The following CDCA7L variants were observed in gnomAD, a reference collection of about 807,000 sequenced individuals.
CDCA7L encodes cell division cycle associated 7 like.
Under a neutral mutation model 57.4 loss-of-function variants are expected in CDCA7L, and 44 were observed. The ratio of observed to expected loss-of-function variants is 0.77; its 90% CI spans 0.60 to 0.98. The LOEUF is 0.98. Among genes scored for constraint, CDCA7L ranks in the 50% least tolerant of loss-of-function variants. The pLI is 0.00. For missense variants in CDCA7L, 644 were observed against 580.6 expected, an observed-to-expected ratio of 1.11 and a Z score of -1.12; for synonymous variants, 236 against 202.8, an observed-to-expected ratio of 1.16 and a Z score of -1.39.
At chr7:21,944,062 G>A (rs564639856) in intron 1 of CDCA7L, among the ~76,000 whole-genome samples, 1 of 152,250 alleles carries the variant, frequency 6.6e-6, no homozygotes, top group African/African-American at 2.4e-5. Context: ...TACATTTTCT[G>A]ACTAAACTCA....
rs1031964759 is a variant in CDCA7L, at chr7:21,908,270, C to G, written c.541G>C (p.Glu181Gln). Residue 181 changes from glutamate (E) to glutamine (Q), a missense_variant, in exon 4 of 10, where the codon GAA becomes CAA. Glu to Gln is a conservative substitution (Grantham distance 29, BLOSUM62 2). Transcript: ENST00000406877. The stretch of plus-strand genomic sequence containing the variant: ...ACCTGTCTACAGTCTTTCTTTCTTT[C>G]AAGAATTGTTTTTTTCTCATTCTGT... ...RLQNEKKTIL[E>Q]RKKDCRQVIQ... 6.2e-7 allele frequency: 1 copy of G among 1,613,460 alleles called. No homozygotes were observed. The highest frequency in any genetic ancestry group is 1.1e-5 in the South Asian group (1 of 90,994).
At chr7:21,929,631 C>CAAAAAAAAAAAAAAAAAAAAAA (rs57283961) in intron 1 of CDCA7L, among the ~76,000 whole-genome samples, 1 of 35,510 alleles carries the variant, frequency 2.8e-5, no homozygotes, top group African/African-American at 1.5e-4. Flanking sequence ...AAATGGAAAG[C>CAAAAAAAAAAAAAAAAAAAAAA]AAAAAAAAAA....
At chr7:21,932,221 A>G (rs1786039588) in intron 1 of CDCA7L, among the ~76,000 whole-genome samples, 1 of 152,204 alleles carries the variant, frequency 6.6e-6, no homozygotes, top group Non-Finnish European at 1.5e-5. Context: ...AAATGGCCAT[A>G]CTGCCCAAAG....
chr7:21,938,109 G>A (rs902745245), intron 1 of CDCA7L, among the ~76,000 whole-genome samples: 2 of 152,110 alleles, frequency 1.3e-5, no homozygotes, highest in African/African-American at 4.8e-5. Context: ...TATCAAGACA[G>A]TGAAAAGGCA....
chr7:21,901,398 G>C lies in CDCA7L; in HGVS notation c.*924C>G. 8.3e-7 allele frequency: 1 copy of C among 1,201,364 alleles called. No homozygotes were observed. The highest frequency in any genetic ancestry group is 1.1e-6 in the Non-Finnish European group (1 of 926,888). The allele number at this position is 1,201,364 out of a possible 1,614,324, so 74.4% of individuals were successfully genotyped here. ...TTTCAACGCTATCCTTAGAGTGAAA[G>C]TCAGAAAAAAATACTAGAAACTAAC... On this transcript the variant is annotated 3_prime_UTR_variant, in exon 10 of 10. Transcript: ENST00000406877.
At chr7:21,923,541 T>C (rs1235193415) in intron 1 of CDCA7L, among the ~76,000 whole-genome samples, 1 of 152,176 alleles carries the variant, frequency 6.6e-6, no homozygotes, top group Non-Finnish European at 1.5e-5. Context: ...AGGGGAATTT[T>C]TCCTTCCTTA....
In CDCA7L at chr7:21,916,530, A is replaced by C. The variant is rs867788668; in HGVS notation, c.165+224T>G. On this transcript the variant is annotated intron_variant, in intron 2 of 9. Coordinates refer to ENST00000406877, the MANE Select transcript of CDCA7L (RefSeq NM_018719.5). ...CCCTTTATTTAAAAAAAAAAAAAAA[A>C]AAAAAAAAGAATTATGGTACAGGGA... Among the ~76,000 whole-genome samples the C allele has an allele frequency of 8.7e-4, 133 of 152,038 alleles. No homozygotes were observed. The Middle Eastern group carries it at 0.021, about 23-fold the overall frequency.
In CDCA7L at chr7:21,901,500, C is replaced by T; in HGVS notation, c.*822G>A. ...AGGAGAATCACTTGAACCTAGGAGG[C>T]AAAGGTTGCAGTGAGCCGAGGTTGC... On this transcript the variant is annotated 3_prime_UTR_variant, in exon 10 of 10. Coordinates refer to ENST00000406877, the MANE Select transcript of CDCA7L (RefSeq NM_018719.5). 1 of 363,054 alleles carries T rather than the reference C, an allele frequency of 2.8e-6. No individual in the cohort carries two copies. Among genetic ancestry groups the T allele is most frequent in the South Asian group, 9.9e-5 (1 of 10,152 alleles). 22.5% of individuals were successfully genotyped at this position (363,054 alleles called of 1,614,324 possible).
intron 1 of CDCA7L, among the ~76,000 whole-genome samples, chr7:21,937,785 G>C (rs1451150804): frequency 6.6e-6 from 1 of 152,148 alleles, no homozygotes; most frequent in Non-Finnish European, 1.5e-5. Flanking sequence ...AAAGAGCCCA[G>C]ATACAAACCC....
chr7:21,924,927 T>C (rs747377674), intron 1 of CDCA7L, among the ~76,000 whole-genome samples: 1 of 152,166 alleles, frequency 6.6e-6, no homozygotes, highest in Non-Finnish European at 1.5e-5. Flanking sequence ...ACGAGTTAAA[T>C]GGTAAACAAG....
chr7:21,917,528 A>C (rs918245222), intron 1 of CDCA7L, among the ~76,000 whole-genome samples: 17 of 152,228 alleles, frequency 1.1e-4, no homozygotes, highest in African/African-American at 3.9e-4. Context: ...CATTTTTGTA[A>C]GTTGACTATT....
At position 21,929,631 on chromosome 7, in the gene CDCA7L, C is replaced by CAAA. The variant is rs57283961; in HGVS notation, c.25-12740_25-12738dup. 1.9e-3 allele frequency among the ~76,000 whole-genome samples: 68 copies of CAAA among 35,502 alleles called. 1 individual carries two copies. The highest frequency in any genetic ancestry group is 3.5e-3 in the African/African-American group (23 of 6,546). 23.3% of individuals were successfully genotyped at this position (35,502 alleles called of 152,430 possible). On this transcript the variant is annotated intron_variant, in intron 1 of 9. Transcript: ENST00000406877. Reference sequence around the variant, plus strand: ...GGAATATTATCCAGCAAATGGAAAGCAAAAAAAAAAAAAAAAAAAAAAAAA... The same window carrying CAAA: ...GGAATATTATCCAGCAAATGGAAAGCAAAAAAAAAAAAAAAAAAAAAAAAAAAA...
intron 2 of CDCA7L, among the ~76,000 whole-genome samples, chr7:21,911,976 A>C (rs1293687815): frequency 6.6e-6 from 1 of 151,730 alleles, no homozygotes; most frequent in Non-Finnish European, 1.5e-5. Flanking sequence ...AAAAAAAAAA[A>C]CACTGGCCGG....
Position 21,900,913 on chromosome 7 carries a change from A to G in CDCA7L, c.*1409T>C. On this transcript the variant is annotated 3_prime_UTR_variant, in exon 10 of 10. Transcript: ENST00000406877. ...ACAAGCAAAAATATGACAAAACCAGAATGTTGAATGTTTATTGCATCAAAC... is the reference window on the plus strand; with the variant it reads ...ACAAGCAAAAATATGACAAAACCAGGATGTTGAATGTTTATTGCATCAAAC... 6.8e-7 allele frequency: 1 copy of G among 1,467,912 alleles called. No homozygotes were observed. The highest frequency in any genetic ancestry group is 9.0e-7 in the Non-Finnish European group (1 of 1,110,686). The allele number at this position is 1,467,912 out of a possible 1,614,324, so 90.9% of individuals were successfully genotyped here. A position where few individuals can be genotyped will look rare whatever the true frequency, so the allele number is the denominator to read the frequency against.
rs376735165 is a variant in CDCA7L at position 21,901,160 on chromosome 7, G to A, written c.*1162C>T. ...TGCCCTGTGTATAGAACCAAACTGA[G>A]AGGCCCCAGCTACATCTGGACCTTC... On this transcript the variant is annotated 3_prime_UTR_variant, in exon 10 of 10. Transcript: ENST00000406877. The A allele has an allele frequency of 1.2e-5, 20 of 1,612,220 alleles. No homozygotes were observed. Among genetic ancestry groups the A allele is most frequent in the Non-Finnish European group, 1.6e-5 (19 of 1,178,552 alleles).
chr7:21,910,905 A>G (rs986481735), intron 3 of CDCA7L, among the ~76,000 whole-genome samples: 2 of 152,008 alleles, frequency 1.3e-5, no homozygotes, highest in Non-Finnish European at 2.9e-5. Context: ...TTAACTTCAA[A>G]CCAAAAACTG....
chr7:21,933,558 A>C (rs1786078548), intron 1 of CDCA7L, among the ~76,000 whole-genome samples: 1 of 152,212 alleles, frequency 6.6e-6, no homozygotes, highest in Non-Finnish European at 1.5e-5. Flanking sequence ...CAAGAACAGA[A>C]AACCAAACAC....
Position 21,902,136 on chromosome 7 carries a change from C to T in CDCA7L, c.*186G>A. The T allele has an allele frequency of 3.1e-6, 2 of 638,160 alleles. No homozygotes were observed. Among genetic ancestry groups the T allele is most frequent in the Non-Finnish European group, 5.6e-6 (2 of 357,758 alleles). The allele number at this position is 638,160 out of a possible 1,614,324, so 39.5% of individuals were successfully genotyped here. The stretch of plus-strand genomic sequence containing the variant: ...TGTGCATACATCTATATAGATTCCT[C>T]TGCTCTGCTGTCTTCCTGAGAAATC... On this transcript the variant is annotated 3_prime_UTR_variant, in exon 10 of 10. Transcript: ENST00000406877.
intron 1 of CDCA7L, among the ~76,000 whole-genome samples, chr7:21,922,808 A>C (rs937544968): frequency 3.9e-5 from 6 of 152,258 alleles, no homozygotes; most frequent in Non-Finnish European, 7.3e-5. Flanking sequence ...TGTGAGACAT[A>C]CATATAATTG....
Sources: gnomAD v4.1 joint callset for allele counts (sites outside exome capture counted in the v4.1 genomes callset) on GRCh38, gnomAD v4.1.1 for gene constraint, MANE v1.5 for transcripts, NCBI Gene and HGNC (gene_info 2026-07-23, HGNC 2026-07-21) for gene names.